The following GRB2 variants were observed in gnomAD, a reference collection of about 807,000 sequenced individuals.
GRB2 encodes growth factor receptor bound protein 2.
Under a neutral mutation model 27.4 loss-of-function variants are expected in GRB2, and 2 were observed. The observed-to-expected ratio is 0.07, with a 90% CI of 0.03 to 0.23. GRB2 has a LOEUF of 0.23. GRB2 is among the 10% of genes least tolerant of loss of function. The pLI, the probability that GRB2 is intolerant of heterozygous loss-of-function variation, is 1.00. For missense variants in GRB2, 102 were observed against 282.4 expected, an observed-to-expected ratio of 0.36 and a Z score of 4.58; for synonymous variants, 94 against 99.6, an observed-to-expected ratio of 0.94 and a Z score of 0.33.
intron 4 of GRB2, 150 bp downstream of exon 4, chr17:75,325,748 A>G: frequency 1.2e-6 from 1 of 825,096 alleles, no homozygotes; most frequent in East Asian, 2.4e-5. Flanking sequence ...TTTTGAGAGG[A>G]GCCAGAAATT....
At chr17:75,392,900 C>G (rs1256182904) in intron 2 of GRB2, among the ~76,000 whole-genome samples, 5 of 152,192 alleles carry the variant, frequency 3.3e-5, no homozygotes, top group Non-Finnish European at 7.3e-5. Context: ...CAGCAGGTTT[C>G]TTTTCGTGCA....
intron 2 of GRB2, among the ~76,000 whole-genome samples, chr17:75,379,472 C>T (rs1035092024): frequency 3.3e-5 from 5 of 151,370 alleles, no homozygotes; most frequent in African/African-American, 9.7e-5. Flanking sequence ...AAACATAGCT[C>T]ATTGTAGTCT....
intron 2 of GRB2, among the ~76,000 whole-genome samples, chr17:75,385,204 G>A (rs1296740433): frequency 1.3e-5 from 2 of 151,952 alleles, no homozygotes; most frequent in Non-Finnish European, 2.9e-5. Context: ...TCATGCCACC[G>A]CATCCCAGCC....
intron 2 of GRB2, among the ~76,000 whole-genome samples, chr17:75,357,692 G>C (rs544197638): frequency 6.6e-6 from 1 of 152,276 alleles, no homozygotes; most frequent in Non-Finnish European, 1.5e-5. Flanking sequence ...AGGCCGAGGA[G>C]AGTAAATCAC....
At chr17:75,404,628 AGAAG>A (rs565226201) in intron 1 of GRB2, among the ~76,000 whole-genome samples, 348 of 152,276 alleles carry the variant, frequency 2.3e-3, no homozygotes, top group African/African-American at 7.9e-3. Context: ...AAGCAGATAG[AGAAG>A]GAAGGAAATA....
At chr17:75,333,172 T>C (rs910268002) in intron 2 of GRB2, among the ~76,000 whole-genome samples, 2 of 152,040 alleles carry the variant, frequency 1.3e-5, no homozygotes, top group African/African-American at 4.8e-5. Context: ...ACCTCCTGGG[T>C]TCAGGCGATT....
chr17:75,356,976 C>T (rs2078737753), intron 2 of GRB2, among the ~76,000 whole-genome samples: 1 of 152,194 alleles, frequency 6.6e-6, no homozygotes, highest in Admixed American at 6.5e-5. Context: ...TTTAGTTTCC[C>T]CATCCAGGCT....
intron 2 of GRB2, among the ~76,000 whole-genome samples, chr17:75,343,291 G>C (rs1281958958): frequency 6.6e-6 from 1 of 152,086 alleles, no homozygotes; most frequent in African/African-American, 2.4e-5. Flanking sequence ...AATTTTAATA[G>C]CTACAACTCT....
intron 2 of GRB2, among the ~76,000 whole-genome samples, chr17:75,361,868 G>A (rs964455432): frequency 6.7e-6 from 1 of 149,794 alleles, no homozygotes; most frequent in African/African-American, 2.5e-5. Flanking sequence ...ACCAGTCTGT[G>A]TCTTTATTAA....
At chr17:75,360,354 T>C (rs757723172) in intron 2 of GRB2, among the ~76,000 whole-genome samples, 1 of 152,214 alleles carries the variant, frequency 6.6e-6, no homozygotes, top group Admixed American at 6.5e-5. Flanking sequence ...GAACAATTCC[T>C]GGTAATTTTA....
intron 2 of GRB2, among the ~76,000 whole-genome samples, chr17:75,390,345 G>C (rs745924919): frequency 6.6e-6 from 1 of 152,142 alleles, no homozygotes; most frequent in African/African-American, 2.4e-5. Flanking sequence ...AATGGCAGTT[G>C]CAACTCCTAG....
At chr17:75,328,247 C>T (rs966556855) in intron 3 of GRB2, among the ~76,000 whole-genome samples, 6 of 151,942 alleles carry the variant, frequency 3.9e-5, no homozygotes, top group African/African-American at 1.5e-4. Flanking sequence ...TCACTTGAAC[C>T]TGGGAGGCAG....
intron 2 of GRB2, among the ~76,000 whole-genome samples, chr17:75,354,264 T>TG (rs755108476): frequency 0.02 from 754 of 38,010 alleles, 29 homozygotes; most frequent in East Asian, 0.13. Context: ...TCTTTTTTTT[T>TG]GGGGGGGGGG....
intron 2 of GRB2, among the ~76,000 whole-genome samples, chr17:75,392,704 A>G (rs896137086): frequency 6.6e-6 from 1 of 152,192 alleles, no homozygotes; most frequent in Non-Finnish European, 1.5e-5. Flanking sequence ...TTCCTCCTTT[A>G]AAGTTAACAT....
At chr17:75,379,811 G>C (rs1278248845) in intron 2 of GRB2, among the ~76,000 whole-genome samples, 2 of 152,156 alleles carry the variant, frequency 1.3e-5, no homozygotes. Context: ...ATAATAAATA[G>C]AATTTTGACT....
chr17:75,358,721 A>C (rs1269799468), intron 2 of GRB2, among the ~76,000 whole-genome samples: 25 of 146,690 alleles, frequency 1.7e-4, no homozygotes, highest in Admixed American at 6.2e-4. Flanking sequence ...AAAAAAAAAA[A>C]AAAAACAAAA....
In GRB2 at chr17:75,321,745, A is replaced by G; in HGVS notation, c.382T>C (p.Leu128=). The change falls in exon 5 of 6, where the codon TTG becomes CTG. Residue 128 remains leucine, a synonymous_variant. Coordinates refer to ENST00000316804, the MANE Select transcript of GRB2 (RefSeq NM_002086.5). ...CTGTGATAATCCACCAGCTCATTCAAAGAATTGAACTTCACCACCCAGAGG... is the reference window on the plus strand; with the variant it reads ...CTGTGATAATCCACCAGCTCATTCAGAGAATTGAACTTCACCACCCAGAGG... ...YFLWVVKFNS[L]NELVDYHRST... The G allele has an allele frequency of 6.2e-7, 1 of 1,614,160 alleles. No individual in the cohort carries two copies. The highest frequency in any genetic ancestry group is 1.1e-5 in the South Asian group (1 of 91,084).
intron 1 of GRB2, among the ~76,000 whole-genome samples, chr17:75,402,991 C>T (rs2079073015): frequency 7.1e-6 from 1 of 140,222 alleles, no homozygotes. Flanking sequence ...AGAAGAATTG[C>T]CCGAACCCAG....
intron 2 of GRB2, among the ~76,000 whole-genome samples, chr17:75,342,186 T>C (rs922776325): frequency 2.0e-5 from 3 of 152,210 alleles, no homozygotes; most frequent in Non-Finnish European, 4.4e-5. Flanking sequence ...TAATCCCTTA[T>C]GGTATCTGGT....
Sources: allele counts gnomAD v4.1 joint callset (sites outside exome capture counted in the v4.1 genomes callset), GRCh38; gene constraint gnomAD v4.1.1; transcripts MANE v1.5; gene names NCBI Gene and HGNC (gene_info 2026-07-23, HGNC 2026-07-21).